ARHGAP32: variants seen among roughly 807,000 people sequenced by gnomAD.
ARHGAP32 encodes Rho GTPase activating protein 32, also known as rho GTPase-activating protein 32.
ARHGAP32 carries 51 observed loss-of-function variants against 186.5 expected under a neutral mutation model. The ratio of observed to expected loss-of-function variants is 0.27; its 90% CI spans 0.22 to 0.35. The LOEUF (loss-of-function observed/expected upper bound fraction) is 0.35. Among genes scored for constraint, ARHGAP32 ranks in the 10% least tolerant of loss-of-function variants. ARHGAP32 has a pLI of 1.00. For synonymous variants in ARHGAP32, 950 were observed against 964.3 expected (o/e 0.99, Z 0.27); for missense variants, 2,186 against 2,623.5 (o/e 0.83, Z 3.64).
At chr11:129,142,429 C>T (rs986676462) in intron 2 of ARHGAP32, among the ~76,000 whole-genome samples, 7 of 152,074 alleles carry the variant, frequency 4.6e-5, no homozygotes, top group African/African-American at 1.2e-4. Flanking sequence ...TTACATAAAA[C>T]GCTCTCATAC....
At chr11:129,094,658 A>G (rs989486879) in intron 5 of ARHGAP32, among the ~76,000 whole-genome samples, 6 of 152,220 alleles carry the variant, frequency 3.9e-5, no homozygotes, top group African/African-American at 1.4e-4. Flanking sequence ...TTTTGCCAGT[A>G]TCTAGGCTGA....
chr11:128,985,362 G>GA (rs58575046), intron 15 of ARHGAP32, among the ~76,000 whole-genome samples: 34 of 148,810 alleles, frequency 2.3e-4, no homozygotes, highest in African/African-American at 4.7e-4. Flanking sequence ...ATGTCATTTT[G>GA]AAAAAAAAAA....
intron 8 of ARHGAP32, among the ~76,000 whole-genome samples, chr11:129,064,605 A>G (rs951149443): frequency 6.6e-6 from 1 of 152,146 alleles, no homozygotes; most frequent in Admixed American, 6.5e-5. Context: ...ACACCAAAAT[A>G]ACAGGTATCA....
intron 12 of ARHGAP32, among the ~76,000 whole-genome samples, chr11:128,994,457 T>C (rs1946146736): frequency 6.6e-6 from 1 of 152,042 alleles, no homozygotes; most frequent in Admixed American, 6.6e-5. Context: ...GCTGGGCCTC[T>C]CTTTCATATT....
At chr11:129,201,945 T>C (rs1201212593) in intron 1 of ARHGAP32, among the ~76,000 whole-genome samples, 1 of 152,166 alleles carries the variant, frequency 6.6e-6, no homozygotes, top group Non-Finnish European at 1.5e-5. Flanking sequence ...ATCATGCCAC[T>C]GCACTCCAGC....
intron 11 of ARHGAP32, among the ~76,000 whole-genome samples, chr11:129,003,512 T>G (rs1937622048): frequency 6.6e-6 from 1 of 152,216 alleles, no homozygotes; most frequent in South Asian, 2.1e-4. Flanking sequence ...CATTGAGTCC[T>G]GGGCTTTTCT....
At chr11:129,106,144 C>G (rs926035885) in intron 5 of ARHGAP32, among the ~76,000 whole-genome samples, 2 of 152,124 alleles carry the variant, frequency 1.3e-5, no homozygotes, top group African/African-American at 4.8e-5. Flanking sequence ...AACAGAACTA[C>G]CATTTGACCC....
intron 1 of ARHGAP32, among the ~76,000 whole-genome samples, chr11:129,184,325 A>G (rs1367914182): frequency 6.6e-6 from 1 of 152,138 alleles, no homozygotes; most frequent in African/African-American, 2.4e-5. Flanking sequence ...CTTAGCAGCT[A>G]AAAGATAGGT....
chr11:129,274,548 C>T (rs1214802707), intron 1 of ARHGAP32, among the ~76,000 whole-genome samples: 1 of 152,130 alleles, frequency 6.6e-6, no homozygotes, highest in Non-Finnish European at 1.5e-5. Flanking sequence ...ACTGCAAGAG[C>T]CACAATGACC....
At chr11:129,035,750 A>G (rs934583925) in intron 11 of ARHGAP32, among the ~76,000 whole-genome samples, 1 of 152,120 alleles carries the variant, frequency 6.6e-6, no homozygotes, top group Non-Finnish European at 1.5e-5. Context: ...AGGCAGAGGC[A>G]GGAGAATTGC....
intron 2 of ARHGAP32, among the ~76,000 whole-genome samples, chr11:129,131,084 A>G (rs1020522285): frequency 3.9e-5 from 6 of 152,170 alleles, no homozygotes; most frequent in South Asian, 2.1e-4. Context: ...AGAAGAAAAA[A>G]ATCTTGCTGT....
intron 5 of ARHGAP32, among the ~76,000 whole-genome samples, chr11:129,101,200 G>C (rs145256678): frequency 6.6e-6 from 1 of 151,874 alleles, no homozygotes; most frequent in South Asian, 2.1e-4. Context: ...AGGATAAAAG[G>C]GGGAAAAAAA....
intron 5 of ARHGAP32, among the ~76,000 whole-genome samples, chr11:129,104,856 C>T (rs987204796): frequency 6.6e-6 from 1 of 152,098 alleles, no homozygotes; most frequent in African/African-American, 2.4e-5. Flanking sequence ...ATCACTGAAT[C>T]AAGGAAAAAG....
At chr11:129,227,292 T>C (rs1944798175) in intron 1 of ARHGAP32, among the ~76,000 whole-genome samples, 1 of 151,494 alleles carries the variant, frequency 6.6e-6, no homozygotes, top group Non-Finnish European at 1.5e-5. Flanking sequence ...GATAAGGAAA[T>C]TAAAATTATG....
At chr11:129,064,166 A>C in intron 8 of ARHGAP32, 142 bp from the exon 9 acceptor site, 1 of 685,482 alleles carries the variant, frequency 1.5e-6, no homozygotes, top group Admixed American at 3.6e-5. Context: ...TTTACTGGGT[A>C]GTAAAAATAT....
At chr11:129,140,925 C>T (rs1223565048) in intron 2 of ARHGAP32, among the ~76,000 whole-genome samples, 1 of 152,122 alleles carries the variant, frequency 6.6e-6, no homozygotes, top group African/African-American at 2.4e-5. Context: ...TTTTTTAATT[C>T]CCCCTTCCAA....
chr11:129,185,099 T>C (rs900272389), intron 1 of ARHGAP32, among the ~76,000 whole-genome samples: 2 of 152,190 alleles, frequency 1.3e-5, no homozygotes, highest in African/African-American at 2.4e-5. Flanking sequence ...ATCCCATTAC[T>C]GGGTAGATAC....
chr11:129,120,891 C>T (rs1942511591), intron 5 of ARHGAP32, among the ~76,000 whole-genome samples: 1 of 152,024 alleles, frequency 6.6e-6, no homozygotes, highest in African/African-American at 2.4e-5. Flanking sequence ...GTATGAATAA[C>T]CTACTGATTT....
At chr11:129,058,176 GA>G (rs150926865) in intron 10 of ARHGAP32, among the ~76,000 whole-genome samples, 5 of 133,032 alleles carry the variant, frequency 3.8e-5, no homozygotes, top group Non-Finnish European at 4.8e-5. Context: ...CCCAATAACA[GA>G]AAAAAAAATA....
Sources: gnomAD v4.1 joint callset for allele counts (sites outside exome capture counted in the v4.1 genomes callset) on GRCh38, gnomAD v4.1.1 for gene constraint, MANE v1.5 for transcripts, NCBI Gene and HGNC (gene_info 2026-07-23, HGNC 2026-07-21) for gene names.